KCNH8: variants seen among roughly 807,000 people sequenced by gnomAD.
KCNH8 encodes the protein voltage-gated delayed rectifier potassium channel KCNH8.
KCNH8 carries 70 observed loss-of-function variants against 103.6 expected under a neutral mutation model. The ratio of observed to expected loss-of-function variants is 0.68; its 90% CI spans 0.56 to 0.82. KCNH8 has a LOEUF of 0.82. Ranked by LOEUF, KCNH8 falls within the 40% of genes least tolerant of loss-of-function variation. The pLI, the probability that KCNH8 is intolerant of heterozygous loss-of-function variation, is 0.00. For synonymous variants in KCNH8, 498 were observed against 489.4 expected, an observed-to-expected ratio of 1.02 and a Z score of -0.23; for missense variants, 1,217 against 1,329.9, an observed-to-expected ratio of 0.92 and a Z score of 1.32.
At position 19,276,578 on chromosome 3, in the gene KCNH8, G is replaced by C. The variant is rs78470708; in HGVS notation, c.311-4620G>C. On this transcript the variant is annotated intron_variant, in intron 2 of 15. Transcript: ENST00000328405. The stretch of plus-strand genomic sequence containing the variant: ...ATCATGACAGCACAGTCATTAAAGA[G>C]AGTGGGACCACTCACAACTCAGTTT... Among the ~76,000 whole-genome samples the C allele has an allele frequency of 1.3e-3, 201 of 152,170 alleles. 1 individual carries two copies. Among genetic ancestry groups the C allele is most frequent in the Admixed American group, 2.0e-3 (30 of 15,278 alleles).
At chr3:19,150,338 T>G (rs2125177531) in intron 1 of KCNH8, among the ~76,000 whole-genome samples, 1 of 151,452 alleles carries the variant, frequency 6.6e-6, no homozygotes, top group Non-Finnish European at 1.5e-5. Flanking sequence ...ACTGATCAGT[T>G]TAATGTGGAT....
intron 11 of KCNH8, among the ~76,000 whole-genome samples, chr3:19,472,190 T>G (rs935575533): frequency 7.3e-6 from 1 of 136,178 alleles, no homozygotes; most frequent in African/African-American, 2.8e-5. Context: ...TTTAATCACT[T>G]CATTCGTGTG....
intron 1 of KCNH8, among the ~76,000 whole-genome samples, chr3:19,206,712 C>T (rs769587215): frequency 2.0e-5 from 3 of 151,884 alleles, no homozygotes; most frequent in Non-Finnish European, 4.4e-5. Context: ...ATGTTCTGGA[C>T]ATTGTCAGTG....
intron 5 of KCNH8, among the ~76,000 whole-genome samples, chr3:19,359,037 T>C (rs577589633): frequency 1.2e-4 from 19 of 152,062 alleles, no homozygotes; most frequent in Non-Finnish European, 2.5e-4. Flanking sequence ...AATCAAGATA[T>C]ATGACAAATA....
At position 19,435,018 on chromosome 3, in the gene KCNH8, G is replaced by A. The variant is rs141329934; in HGVS notation, c.1178-3146G>A. Among the ~76,000 whole-genome samples the A allele has an allele frequency of 4.6e-5, 7 of 151,946 alleles. No individual in the cohort carries two copies. The East Asian group carries it at 1.2e-3, about 25-fold the overall frequency. ...GTATTTAAAACTTGAAAACTGCTAA[G>A]AATAAATCTTAAATGTTCTCACCAC... On this transcript the variant is annotated intron_variant, in intron 7 of 15. Transcript: ENST00000328405.
intron 5 of KCNH8, among the ~76,000 whole-genome samples, chr3:19,379,711 C>T (rs1032173447): frequency 6.6e-6 from 1 of 152,074 alleles, no homozygotes; most frequent in African/African-American, 2.4e-5. Context: ...AGTCAAGCAA[C>T]ATGCTAGTGA....
chr3:19,436,284 GAAA>G (rs996658259), intron 7 of KCNH8, among the ~76,000 whole-genome samples: 8 of 149,192 alleles, frequency 5.4e-5, no homozygotes, highest in Non-Finnish European at 8.9e-5. Context: ...TGTTCTTTAG[GAAA>G]AAAAAAATTT....
intron 5 of KCNH8, among the ~76,000 whole-genome samples, chr3:19,364,163 A>G (rs2065980384): frequency 1.3e-5 from 2 of 152,092 alleles, no homozygotes; most frequent in Admixed American, 1.3e-4. Context: ...ACCTATTCCT[A>G]GTACACCTTT....
intron 15 of KCNH8, among the ~76,000 whole-genome samples, chr3:19,518,956 A>G (rs1014748215): frequency 6.6e-6 from 1 of 152,100 alleles, no homozygotes; most frequent in African/African-American, 2.4e-5. Flanking sequence ...AAGTATAATT[A>G]AAGAACAGAG....
At chr3:19,236,749 A>G (rs1222127754) in intron 1 of KCNH8, among the ~76,000 whole-genome samples, 2 of 152,206 alleles carry the variant, frequency 1.3e-5, no homozygotes, top group Non-Finnish European at 2.9e-5. Context: ...GTAAATGAAG[A>G]TATCTAAGAC....
chr3:19,377,528 C>G (rs1168853498), intron 5 of KCNH8, among the ~76,000 whole-genome samples: 1 of 152,170 alleles, frequency 6.6e-6, no homozygotes, highest in Non-Finnish European at 1.5e-5. Flanking sequence ...AGTTCCACAG[C>G]TGTCCTATAT....
chr3:19,358,132 A>T (rs577481434), intron 5 of KCNH8, among the ~76,000 whole-genome samples: 4 of 151,796 alleles, frequency 2.6e-5, no homozygotes, highest in Admixed American at 1.3e-4. Context: ...CTAGAAAAAA[A>T]TACTGGCCGG....
At chr3:19,244,814 G>GT (rs138314313) in intron 1 of KCNH8, among the ~76,000 whole-genome samples, 4,455 of 150,998 alleles carry the variant, frequency 0.03, 211 homozygotes, top group African/African-American at 0.1. Flanking sequence ...TTGTAATAGG[G>GT]TTTTTTTTTG....
At chr3:19,450,354 A>ATTAG (rs2067428867) in intron 9 of KCNH8, 49 bp downstream of exon 9, 1 of 1,430,840 alleles carries the variant, frequency 7.0e-7, no homozygotes, top group Non-Finnish European at 9.9e-7. Flanking sequence ...ACATATTCTA[A>ATTAG]GGTAAACGCA....
intron 3 of KCNH8, among the ~76,000 whole-genome samples, chr3:19,324,045 G>A (rs931305608): frequency 6.6e-6 from 1 of 152,130 alleles, no homozygotes; most frequent in African/African-American, 2.4e-5. Context: ...TCAGGCAGTG[G>A]GTGGATCCAT....
chr3:19,318,621 T>C (rs1238590164), intron 3 of KCNH8, among the ~76,000 whole-genome samples: 4 of 149,580 alleles, frequency 2.7e-5, no homozygotes, highest in Admixed American at 6.7e-5. Context: ...TTTTTATGGC[T>C]GAGTAGTATT....
chr3:19,449,768 A>G (rs1353986522), intron 8 of KCNH8, among the ~76,000 whole-genome samples: 1 of 152,152 alleles, frequency 6.6e-6, no homozygotes, highest in African/African-American at 2.4e-5. Context: ...TATTAAAATA[A>G]TATAGATGTA....
chr3:19,527,970 G>GAGAT (rs1322235207), intron 15 of KCNH8, among the ~76,000 whole-genome samples: 6 of 152,122 alleles, frequency 3.9e-5, no homozygotes, highest in Admixed American at 3.9e-4. Flanking sequence ...GATTCTGGAA[G>GAGAT]AGATAGAGAA....
At chr3:19,469,388 C>T (rs904197682) in intron 11 of KCNH8, among the ~76,000 whole-genome samples, 5 of 152,164 alleles carry the variant, frequency 3.3e-5, no homozygotes, top group Admixed American at 1.3e-4. Context: ...AAATAATGGC[C>T]TGGGAATTGT....
Sources: allele counts gnomAD v4.1 joint callset (sites outside exome capture counted in the v4.1 genomes callset), GRCh38; gene constraint gnomAD v4.1.1; transcripts MANE v1.5; gene names NCBI Gene and HGNC (gene_info 2026-07-23, HGNC 2026-07-21).